Variants in ARSG observed in about 807,000 individuals in gnomAD.
ARSG encodes the protein arylsulfatase G.
ARSG carries 37 observed loss-of-function variants against 50.5 expected under a neutral mutation model. That is an observed-to-expected ratio of 0.73 (90% confidence interval 0.56 to 0.96). The LOEUF is 0.96. Ranked by LOEUF, ARSG falls within the 50% of genes least tolerant of loss-of-function variation. ARSG has a pLI of 0.00. For synonymous variants in ARSG, 225 were observed against 254.6 expected, an observed-to-expected ratio of 0.88 and a Z score of 1.11; for missense variants, 629 against 675.3, an observed-to-expected ratio of 0.93 and a Z score of 0.76.
chr17:68,426,254 G>GGGGGGGGGGA, downstream of ARSG: 1 of 816,924 alleles, frequency 1.2e-6, no homozygotes, highest in South Asian at 1.3e-5. Context: ...GGGAGCGGGG[G>GGGGGGGGGGA]CTCAAATAAA....
At chr17:68,323,893 C>T (rs58335197) in intron 2 of ARSG, among the ~76,000 whole-genome samples, 10,418 of 151,738 alleles carry the variant, frequency 0.069, 827 homozygotes, top group African/African-American at 0.19. Context: ...GCCAACATGG[C>T]GAAACCCCAT....
the ARSG span, among the ~76,000 whole-genome samples, chr17:68,432,977 A>G: frequency 6.6e-6 from 1 of 152,026 alleles, no homozygotes; most frequent in Non-Finnish European, 1.5e-5. Context: ...CTTTTCTTTC[A>G]CTTTTCAGAC....
chr17:68,388,010 C>A (rs560423910), intron 9 of ARSG, among the ~76,000 whole-genome samples: 10 of 152,246 alleles, frequency 6.6e-5, no homozygotes, highest in African/African-American at 2.4e-4. Flanking sequence ...TTGCACGTGA[C>A]CTGCCTCCAC....
chr17:68,416,276 C>T (rs11654949), intron 11 of ARSG, among the ~76,000 whole-genome samples: 57,875 of 151,870 alleles, frequency 0.38, 12,428 homozygotes, highest in Admixed American at 0.52. Flanking sequence ...TCATATATGA[C>T]GCTTATTTTT....
chr17:68,401,952 T>C (rs1407482080), intron 11 of ARSG, among the ~76,000 whole-genome samples: 2 of 152,210 alleles, frequency 1.3e-5, no homozygotes, highest in Non-Finnish European at 1.5e-5. Flanking sequence ...CCTCAGGGTC[T>C]TCCAATGGCT....
chr17:68,390,908 T>TGA (rs2080961277), intron 9 of ARSG, among the ~76,000 whole-genome samples: 2 of 146,084 alleles, frequency 1.4e-5, no homozygotes, highest in South Asian at 2.2e-4. Context: ...ATTACAACTG[T>TGA]GAGCCACTGT....
chr17:68,263,699 C>A (rs782441481), intron 1 of ARSG, among the ~76,000 whole-genome samples: 3 of 152,138 alleles, frequency 2.0e-5, no homozygotes, highest in African/African-American at 7.2e-5. Flanking sequence ...ATTCACTCAC[C>A]GTGGCTTCCT....
chr17:68,282,545 TC>T (rs2075726174), intron 1 of ARSG, among the ~76,000 whole-genome samples: 2 of 150,854 alleles, frequency 1.3e-5, no homozygotes, highest in Admixed American at 1.3e-4. Context: ...ACGCCTGTAA[TC>T]CCAGCACTTT....
At chr17:68,262,837 CTT>C (rs1187132750) in intron 1 of ARSG, among the ~76,000 whole-genome samples, 1 of 152,158 alleles carries the variant, frequency 6.6e-6, no homozygotes, top group African/African-American at 2.4e-5. Context: ...GCTGAGGACA[CTT>C]TAAGTAGAAG....
chr17:68,418,171 AT>A (rs576968167), intron 11 of ARSG, among the ~76,000 whole-genome samples: 19 of 152,294 alleles, frequency 1.2e-4, no homozygotes, highest in Admixed American at 1.2e-3. Flanking sequence ...ATTGTTGGTG[AT>A]GCATTGTAGC....
intron 2 of ARSG, among the ~76,000 whole-genome samples, chr17:68,315,710 A>G (rs2003516): frequency 0.19 from 28,533 of 151,968 alleles, 4,937 homozygotes; most frequent in African/African-American, 0.46. Context: ...TTGGCTCACT[A>G]TAACCTCTGC....
At chr17:68,431,209 T>C in the ARSG span, among the ~76,000 whole-genome samples, 1 of 152,140 alleles carries the variant, frequency 6.6e-6, no homozygotes, top group Admixed American at 6.5e-5. Flanking sequence ...GCTGCACAGA[T>C]GGTCCAGGCA....
intron 8 of ARSG, among the ~76,000 whole-genome samples, chr17:68,384,330 G>A (rs1340533260): frequency 3.9e-5 from 6 of 152,222 alleles, no homozygotes; most frequent in South Asian, 2.1e-4. Context: ...CTTCCAGCCC[G>A]CTAGCTATCA....
chr17:68,347,044 T>C, intron 3 of ARSG, 81 bp from the exon 4 acceptor site: 4 of 1,581,450 alleles, frequency 2.5e-6, no homozygotes, highest in Non-Finnish European at 3.5e-6. Flanking sequence ...AATGGAGAGC[T>C]GAGTGTGTGA....
chr17:68,381,277 A>G lies in ARSG; in HGVS notation c.983-3787A>G, dbSNP rs1599982195. Among the ~76,000 whole-genome samples, 3 of 152,306 alleles carry G rather than the reference A, an allele frequency of 2.0e-5. No homozygotes were observed. In the East Asian group the frequency reaches 5.8e-4, roughly 29 times the overall value. ...CTTCCGTAACCAGAGAAGCACAAAT[A>G]AGCAAATTCATGAATCATGGTTTTG... On this transcript the variant is annotated intron_variant, in intron 8 of 11. Transcript: ENST00000621439. The surrounding 1 kb of genome is among the most constrained non-coding windows in gnomAD (Gnocchi z 4.1).
chr17:68,351,835 G>C, intron 5 of ARSG, 149 bp downstream of exon 5: 1 of 620,188 alleles, frequency 1.6e-6, no homozygotes. Flanking sequence ...ATTTAAATGT[G>C]TTATTTGCAG....
chr17:68,373,925 A>G (rs968675497), intron 8 of ARSG, among the ~76,000 whole-genome samples: 4 of 151,986 alleles, frequency 2.6e-5, no homozygotes, highest in African/African-American at 9.7e-5. Flanking sequence ...TGGGAGGCCG[A>G]GGCGGGCGGA....
the ARSG span, chr17:68,428,821 C>G: frequency 6.2e-7 from 1 of 1,608,230 alleles, no homozygotes; most frequent in Non-Finnish European, 8.5e-7. Context: ...GAAAAGCAGT[C>G]TCTTCACCTG....
chr17:68,427,159 C>T (rs765754572), downstream of ARSG: 93 of 1,614,058 alleles, frequency 5.8e-5, no homozygotes, highest in Middle Eastern at 6.6e-4. Context: ...GCTGAAGATG[C>T]ACTTGGTCTG....
Sources: allele counts gnomAD v4.1 joint callset (sites outside exome capture counted in the v4.1 genomes callset), GRCh38; gene constraint gnomAD v4.1.1; non-coding constraint Gnocchi (gnomAD v3.1); transcripts MANE v1.5; gene names NCBI Gene and HGNC (gene_info 2026-07-23, HGNC 2026-07-21).